Variants in FRMD4A observed in about 807,000 individuals in gnomAD.
The protein encoded by FRMD4A is FERM domain-containing protein 4A.
FRMD4A carries 29 observed loss-of-function variants against 129.1 expected under a neutral mutation model. That is an observed-to-expected ratio of 0.22 (90% confidence interval 0.17 to 0.31). The LOEUF is 0.31. Ranked by LOEUF, FRMD4A falls within the 10% of genes least tolerant of loss-of-function variation. FRMD4A has a pLI of 1.00. For synonymous variants in FRMD4A, 634 were observed against 571.6 expected (o/e 1.11, Z -1.56); for missense variants, 1,272 against 1,375.8 (o/e 0.92, Z 1.19).
chr10:13,855,421 A>G (rs2094199985), intron 3 of FRMD4A, among the ~76,000 whole-genome samples: 1 of 152,114 alleles, frequency 6.6e-6, no homozygotes, highest in African/African-American at 2.4e-5. Context: ...AATCTGCCCC[A>G]TCTTATTAAT....
chr10:13,796,483 C>A lies in FRMD4A; in HGVS notation c.299+13G>T. On this transcript the variant is annotated intron_variant, in intron 5 of 24. Coordinates refer to ENST00000357447, the MANE Select transcript of FRMD4A (RefSeq NM_018027.5). ...CACAAAGAAGCAAAAGTATAGACAC[C>A]AGGTGTACATACCTGACACAAAAGT... 1 of 1,267,774 alleles carries A rather than the reference C, an allele frequency of 7.9e-7. No homozygotes were observed. Among genetic ancestry groups the A allele is most frequent in the Non-Finnish European group, 1.2e-6 (1 of 863,966 alleles). The allele number at this position is 1,267,774 out of a possible 1,614,324, so 78.5% of individuals were successfully genotyped here.
intron 2 of FRMD4A, among the ~76,000 whole-genome samples, chr10:14,054,721 T>C (rs528423700): frequency 6.6e-6 from 1 of 152,256 alleles, no homozygotes; most frequent in Admixed American, 6.5e-5. Context: ...AATCTCATCT[T>C]GAATTGTAGC....
At chr10:13,969,879 A>G (rs2095507441) in intron 2 of FRMD4A, among the ~76,000 whole-genome samples, 1 of 152,204 alleles carries the variant, frequency 6.6e-6, no homozygotes, top group Non-Finnish European at 1.5e-5. Flanking sequence ...AGATGAAATG[A>G]AAGTGAGAGG....
intron 2 of FRMD4A, among the ~76,000 whole-genome samples, chr10:14,095,786 A>G (rs531568716): frequency 5.9e-5 from 9 of 152,304 alleles, no homozygotes; most frequent in Non-Finnish European, 1.0e-4. Flanking sequence ...AACACGACCC[A>G]CTTCTCCAGA....
chr10:14,175,099 A>AT (rs1841669200), intron 2 of FRMD4A, among the ~76,000 whole-genome samples: 1 of 152,080 alleles, frequency 6.6e-6, no homozygotes, highest in South Asian at 2.1e-4. Flanking sequence ...TGCTTGAGGA[A>AT]TTTTCTCTGT....
chr10:13,842,274 G>A (rs181661080), intron 3 of FRMD4A, among the ~76,000 whole-genome samples: 7 of 152,222 alleles, frequency 4.6e-5, no homozygotes, highest in African/African-American at 1.2e-4. Context: ...GTCCATACAC[G>A]TGGGTTTGCT....
chr10:14,141,662 G>A (rs999502764), intron 2 of FRMD4A, among the ~76,000 whole-genome samples: 1 of 151,704 alleles, frequency 6.6e-6, no homozygotes, highest in African/African-American at 2.4e-5. Context: ...CCTGTCCTTC[G>A]ATGATCACTC....
At position 14,330,827 on chromosome 10, in the gene FRMD4A, G is replaced by A; in HGVS notation, c.-312C>T. 2.5e-6 allele frequency: 1 copy of A among 398,720 alleles called. No individual in the cohort carries two copies. Among genetic ancestry groups the A allele is most frequent in the Non-Finnish European group, 4.4e-6 (1 of 226,200 alleles). 24.7% of individuals were successfully genotyped at this position (398,720 alleles called of 1,614,324 possible). On this transcript the variant is annotated 5_prime_UTR_variant, in exon 1 of 25. Coordinates refer to ENST00000357447, the MANE Select transcript of FRMD4A (RefSeq NM_018027.5). The stretch of plus-strand genomic sequence containing the variant: ...AGTAGACTGGCCAGCTCAGCTCCCG[G>A]TAGGGCTAACATACTTAAGAGGAAC...
At chr10:14,071,061 C>G (rs149000220) in intron 2 of FRMD4A, among the ~76,000 whole-genome samples, 1 of 152,224 alleles carries the variant, frequency 6.6e-6, no homozygotes, top group Non-Finnish European at 1.5e-5. Context: ...CCAAGGCAAA[C>G]GCCCCTTACC....
intron 2 of FRMD4A, among the ~76,000 whole-genome samples, chr10:14,264,933 C>T (rs537638930): frequency 6.6e-6 from 1 of 152,280 alleles, no homozygotes; most frequent in African/African-American, 2.4e-5. Flanking sequence ...AGGTGCTCAC[C>T]ACCATGCCTG....
At chr10:13,759,406 C>T (rs186838774) in intron 8 of FRMD4A, among the ~76,000 whole-genome samples, 2 of 152,350 alleles carry the variant, frequency 1.3e-5, no homozygotes, top group East Asian at 1.9e-4. Context: ...TGTGGCCACA[C>T]GTTCCCATGA....
intron 17 of FRMD4A, among the ~76,000 whole-genome samples, chr10:13,669,066 T>G (rs1010974845): frequency 9.5e-5 from 6 of 62,852 alleles, no homozygotes; most frequent in Non-Finnish European, 1.9e-4. Flanking sequence ...AGTTTTTTTT[T>G]TTTTTTTTTT....
At chr10:14,202,207 G>A (rs1169359603) in intron 2 of FRMD4A, among the ~76,000 whole-genome samples, 2 of 152,020 alleles carry the variant, frequency 1.3e-5, no homozygotes, top group Non-Finnish European at 2.9e-5. Context: ...TGTGCTGCAA[G>A]ACAGTGGCAG....
intron 2 of FRMD4A, among the ~76,000 whole-genome samples, chr10:13,924,908 C>CA (rs1355383811): frequency 3.3e-5 from 5 of 151,652 alleles, no homozygotes; most frequent in African/African-American, 1.2e-4. Context: ...ACTAAAAATA[C>CA]AAAAAATTAG....
chr10:14,313,240 G>C (rs1255469688), intron 2 of FRMD4A, among the ~76,000 whole-genome samples: 1 of 151,848 alleles, frequency 6.6e-6, no homozygotes, highest in Non-Finnish European at 1.5e-5. Flanking sequence ...GTACATGTCT[G>C]TATTCCCAGC....
chr10:14,063,886 GT>G (rs1334245479), intron 2 of FRMD4A, among the ~76,000 whole-genome samples: 2 of 152,106 alleles, frequency 1.3e-5, no homozygotes, highest in Non-Finnish European at 2.9e-5. Context: ...CGCCCCAGGA[GT>G]TTTCAGCTCA....
chr10:13,898,961 T>C (rs1284227490), intron 2 of FRMD4A, among the ~76,000 whole-genome samples: 1 of 152,042 alleles, frequency 6.6e-6, no homozygotes. Flanking sequence ...GGTGGGAGGA[T>C]CACTTGAGGC....
chr10:14,001,939 A>G (rs1475962520), intron 2 of FRMD4A, among the ~76,000 whole-genome samples: 4 of 152,246 alleles, frequency 2.6e-5, no homozygotes, highest in African/African-American at 9.6e-5. Context: ...GAATACATTC[A>G]GAATGTAAGC....
chr10:13,971,792 G>C (rs1305480605), intron 2 of FRMD4A: 5 of 1,304,294 alleles, frequency 3.8e-6, no homozygotes, highest in Non-Finnish European at 5.1e-6. Flanking sequence ...AAGCAGCCCA[G>C]CAGCCATGCC....
Sources: gnomAD v4.1 joint callset for allele counts (sites outside exome capture counted in the v4.1 genomes callset) on GRCh38, gnomAD v4.1.1 for gene constraint, MANE v1.5 for transcripts, NCBI Gene and HGNC (gene_info 2026-07-23, HGNC 2026-07-21) for gene names.